The following STIM1 variants were observed in gnomAD, a reference collection of about 807,000 sequenced individuals.
STIM1 encodes the protein stromal interaction molecule 1.
A neutral mutation model predicts 74.7 loss-of-function variants in STIM1; 25 were observed. That is an observed-to-expected ratio of 0.33 (90% confidence interval 0.24 to 0.47). The LOEUF (loss-of-function observed/expected upper bound fraction) is 0.47. Ranked by LOEUF, STIM1 falls within the 20% of genes least tolerant of loss-of-function variation. The pLI, the probability that STIM1 is intolerant of heterozygous loss-of-function variation, is 1.00. For missense variants in STIM1, 728 were observed against 920.8 expected (o/e 0.79, Z 2.71); for synonymous variants, 328 against 348.8 (o/e 0.94, Z 0.66).
intron 1 of STIM1, among the ~76,000 whole-genome samples, chr11:3,889,596 C>T (rs557308892): frequency 1.8e-4 from 28 of 152,058 alleles, no homozygotes; most frequent in East Asian, 5.8e-4. Flanking sequence ...ATTTTTAATA[C>T]GGTCTTCTGA....
chr11:4,002,114 T>C (rs2093723563), intron 2 of STIM1, among the ~76,000 whole-genome samples: 1 of 139,496 alleles, frequency 7.2e-6, no homozygotes, highest in Non-Finnish European at 1.5e-5. Flanking sequence ...ACAAAGAGAC[T>C]TAGACTCCCA....
intron 1 of STIM1, among the ~76,000 whole-genome samples, chr11:3,932,757 A>G (rs1378152381): frequency 6.6e-6 from 1 of 151,934 alleles, no homozygotes; most frequent in African/African-American, 2.4e-5. Context: ...GGAGACAGCC[A>G]TCTATGAACC....
chr11:4,020,597 T>C (rs954339773), intron 2 of STIM1, among the ~76,000 whole-genome samples: 1 of 152,000 alleles, frequency 6.6e-6, no homozygotes, highest in Non-Finnish European at 1.5e-5. Flanking sequence ...TTTTTTTTTC[T>C]TTTTTCTCTG....
At chr11:3,860,718 T>A (rs1431529604) in intron 1 of STIM1, among the ~76,000 whole-genome samples, 1 of 151,968 alleles carries the variant, frequency 6.6e-6, no homozygotes, top group Non-Finnish European at 1.5e-5. Context: ...GCATTAGAGG[T>A]TTCATGGTGG....
chr11:3,950,436 A>C (rs187141834), intron 1 of STIM1, among the ~76,000 whole-genome samples: 6 of 151,664 alleles, frequency 4.0e-5, no homozygotes, highest in African/African-American at 9.7e-5. Flanking sequence ...CTGGCTGGGC[A>C]TTCCTTTTTA....
chr11:3,965,581 C>T (rs2135728404), intron 1 of STIM1, among the ~76,000 whole-genome samples: 1 of 152,340 alleles, frequency 6.6e-6, no homozygotes, highest in African/African-American at 2.4e-5. Context: ...GTGTATTCTG[C>T]TCTCTCCCTA....
intron 1 of STIM1, among the ~76,000 whole-genome samples, chr11:3,895,723 TTTC>T (rs2092108313): frequency 5.7e-4 from 23 of 40,330 alleles, no homozygotes; most frequent in African/African-American, 1.8e-3. Context: ...TCTTTCTTTC[TTTC>T]TTTCTTTCTT....
intron 1 of STIM1, among the ~76,000 whole-genome samples, chr11:3,943,655 A>G (rs1220829270): frequency 1.3e-5 from 2 of 152,194 alleles, no homozygotes; most frequent in Admixed American, 1.3e-4. Context: ...TAACCCCAGC[A>G]TGTTGGGAGG....
intron 1 of STIM1, among the ~76,000 whole-genome samples, chr11:3,864,521 C>T (rs1348827883): frequency 6.6e-6 from 1 of 152,198 alleles, no homozygotes; most frequent in Non-Finnish European, 1.5e-5. Flanking sequence ...CTGGGCTATA[C>T]TGGACATGAT....
chr11:4,062,538 C>T (rs564696033), intron 5 of STIM1, among the ~76,000 whole-genome samples: 1 of 152,338 alleles, frequency 6.6e-6, no homozygotes, highest in East Asian at 1.9e-4. Context: ...ATAAGAATTG[C>T]TGAAACCTGG....
intron 2 of STIM1, among the ~76,000 whole-genome samples, chr11:4,021,251 G>C (rs1434035107): frequency 6.6e-6 from 1 of 151,980 alleles, no homozygotes; most frequent in African/African-American, 2.4e-5. Context: ...TCAGCCTCCC[G>C]AGTAACTGGG....
chr11:4,086,171 C>A (rs1565172016), intron 11 of STIM1: 2 of 454,124 alleles, frequency 4.4e-6, no homozygotes, highest in South Asian at 4.8e-5. Context: ...TATCCCAAGC[C>A]CCTATCCTAC....
chr11:3,967,763 C>T, intron 2 of STIM1, 81 bp downstream of exon 2: 2 of 1,592,570 alleles, frequency 1.3e-6, no homozygotes, highest in Non-Finnish European at 1.7e-6. Flanking sequence ...AGCCTCTTCC[C>T]TGGGGAGAGA....
Position 4,074,497 on chromosome 11 carries a change from C to T in STIM1, c.792-5C>T, listed in dbSNP as rs202150862. 1.9e-6 allele frequency: 3 copies of T among 1,613,372 alleles called. No homozygotes were observed. Among genetic ancestry groups the T allele is most frequent in the Non-Finnish European group, 2.5e-6 (3 of 1,179,948 alleles). ...CTCCTCCAGCTCCCTGCATTGCCCCCCCAGGCTGCACAAGGCCCAGGAGGA... is the reference window on the plus strand; with the variant it reads ...CTCCTCCAGCTCCCTGCATTGCCCCTCCAGGCTGCACAAGGCCCAGGAGGA... On this transcript the variant is annotated splice_polypyrimidine_tract_variant and splice_region_variant and intron_variant, in intron 6 of 12. Transcript: ENST00000526596.
chr11:3,887,740 G>A (rs574895700), intron 1 of STIM1, among the ~76,000 whole-genome samples: 2 of 152,060 alleles, frequency 1.3e-5, no homozygotes, highest in Admixed American at 6.6e-5. Flanking sequence ...AGGCCGAGAC[G>A]GGCGGATCAC....
In STIM1 at chr11:3,895,737, TTTCTTTCTTCCTTCCTTC is replaced by T. The variant is rs1565105377; in HGVS notation, c.139+39329_139+39346del. On this transcript the variant is annotated intron_variant, in intron 1 of 12. Transcript: ENST00000526596. ...TTCTTTCTTTCTTTCTTTCTTTCTT[TTTCTTTCTTCCTTCCTTC>T]CTTCCTTCCTTCCTTCCTTCCTTCC... Among the ~76,000 whole-genome samples the T allele has an allele frequency of 9.6e-3, 288 of 29,948 alleles. 44 individuals are homozygous for T. Among genetic ancestry groups the T allele is most frequent in the East Asian group, 0.06 (76 of 1,260 alleles). The allele number at this position is 29,948 out of a possible 152,430, so 19.6% of individuals were successfully genotyped here. A position where few individuals can be genotyped will look rare whatever the true frequency, so the allele number is the denominator to read the frequency against.
intron 3 of STIM1, among the ~76,000 whole-genome samples, chr11:4,034,630 C>G (rs1442172022): frequency 3.3e-5 from 5 of 152,084 alleles, no homozygotes; most frequent in Non-Finnish European, 5.9e-5. Context: ...TAATGTTTGT[C>G]TCATAGGATG....
chr11:3,888,801 G>C (rs1430247811), intron 1 of STIM1, among the ~76,000 whole-genome samples: 6 of 151,974 alleles, frequency 3.9e-5, no homozygotes, highest in African/African-American at 1.2e-4. Flanking sequence ...ATCCGCCCGT[G>C]TCGGCTTCCC....
At chr11:4,039,056 A>G (rs1323633838) in intron 3 of STIM1, among the ~76,000 whole-genome samples, 2 of 152,194 alleles carry the variant, frequency 1.3e-5, no homozygotes, top group East Asian at 3.8e-4. Context: ...GTGTAGGAGT[A>G]GCGATAAGCT....
Sources: gnomAD v4.1 joint callset for allele counts (sites outside exome capture counted in the v4.1 genomes callset) on GRCh38, gnomAD v4.1.1 for gene constraint, MANE v1.5 for transcripts, NCBI Gene and HGNC (gene_info 2026-07-23, HGNC 2026-07-21) for gene names.